Variants in MLN observed in about 807,000 individuals in gnomAD.
The protein encoded by MLN is motilin, also known as promotilin.
A neutral mutation model predicts 13.3 loss-of-function variants in MLN; 14 were observed. That is an observed-to-expected ratio of 1.05 (90% CI 0.69 to 1.64). The LOEUF (loss-of-function observed/expected upper bound fraction) is 1.64, where lower values mean the gene tolerates loss of function less well. Among genes scored for constraint, MLN ranks in the 40% most tolerant of loss-of-function variants. MLN has a pLI of 0.00. For missense variants in MLN, 122 were observed against 142.9 expected, an observed-to-expected ratio of 0.85 and a Z score of 0.75; for synonymous variants, 59 against 54.7, an observed-to-expected ratio of 1.08 and a Z score of -0.34.
In MLN at chr6:33,799,068, T is replaced by C; in HGVS notation, c.234+37A>G. The C allele has an allele frequency of 6.8e-7, 1 of 1,460,472 alleles. No individual in the cohort carries two copies. Among genetic ancestry groups the C allele is most frequent in the Non-Finnish European group, 9.6e-7 (1 of 1,045,034 alleles). 90.5% of individuals were successfully genotyped at this position (1,460,472 alleles called of 1,614,324 possible). On this transcript the variant is annotated intron_variant, in intron 3 of 4. Coordinates refer to ENST00000430124, the MANE Select transcript of MLN (RefSeq NM_002418.3). The surrounding 1 kb of genome is among the most constrained non-coding windows in gnomAD (Gnocchi z 4.6). The stretch of plus-strand genomic sequence containing the variant: ...CCAGGCAGGGGAATGCATGCCCTGC[T>C]CTGAGTTTCTCTCCTTTGTCCCAGT...
chr6:33,795,694 G>A (rs1389057273), intron 3 of MLN, 89 bp from the exon 4 acceptor site: 2 of 1,098,642 alleles, frequency 1.8e-6, no homozygotes, highest in African/African-American at 3.1e-5. Context: ...AGGGACCCTT[G>A]GGAGCCACAC....
chr6:33,795,959 CTTTT>C (rs5875463), intron 3 of MLN, among the ~76,000 whole-genome samples: 3 of 121,774 alleles, frequency 2.5e-5, no homozygotes, highest in Non-Finnish European at 5.1e-5. Flanking sequence ...TTATTCTAAG[CTTTT>C]TTTTTTTTTT....
rs188344611 is a variant in MLN, at chr6:33,799,189, G to A, written c.150C>T (p.Ser50=). The A allele has an allele frequency of 8.7e-6, 14 of 1,612,828 alleles. No homozygotes were observed. The East Asian group carries it at 2.9e-4, about 33-fold the overall frequency. Residue 50 remains serine (S), a synonymous_variant, in exon 3 of 5, where the codon TCC becomes TCT. Transcript: ENST00000430124. This position sits in a 1 kb window ranked among gnomAD's most constrained non-coding sequence, Gnocchi z 4.6. ...EKERNKGQKK[S]LSVWQRSGEE... ...CCCCAGACCTCTGCCATACACTCAG[G>A]GATTTCTTTTGCCCTTTATTCCGTT... is the stretch of plus-strand genomic sequence containing the variant.
At chr6:33,800,911 C>T (rs1043285331) in intron 2 of MLN, 136 bp downstream of exon 2, 19 of 694,718 alleles carry the variant, frequency 2.7e-5, no homozygotes, top group South Asian at 6.7e-5. Context: ...CCAGTGAAGG[C>T]GTGAAGGTGG....
intron 4 of MLN, 112 bp from the exon 5 acceptor site, chr6:33,794,947 G>A: frequency 1.4e-6 from 2 of 1,383,078 alleles, no homozygotes; most frequent in Non-Finnish European, 2.0e-6. Context: ...GGGCAGGCTG[G>A]GCGGGAAGGT....
chr6:33,800,307 G>A (rs1258263768), intron 2 of MLN, among the ~76,000 whole-genome samples: 2 of 152,170 alleles, frequency 1.3e-5, no homozygotes, highest in African/African-American at 2.4e-5. Flanking sequence ...GATACTCAGC[G>A]TCCCCTGAAG....
At chr6:33,795,661 C>G (rs1767898391) in intron 3 of MLN, 56 bp from the exon 4 acceptor site, 12 of 1,447,918 alleles carry the variant, frequency 8.3e-6, no homozygotes, top group Non-Finnish European at 1.1e-5. Context: ...CCCTTAACCC[C>G]TGGGTGCACT....
Position 33,799,154 on chromosome 6 carries a change from G to T in MLN, c.185C>A (p.Pro62His). ...SVWQRSGEEG[P>H]VDPAEPIREE... ...CCTGATGGGCTCCGCAGGGTCTACAGGACCTTCCTCCCCAGACCTCTGCCA... is the reference window on the plus strand; with the variant it reads ...CCTGATGGGCTCCGCAGGGTCTACATGACCTTCCTCCCCAGACCTCTGCCA... The change falls in exon 3 of 5, where the codon CCT (proline) becomes CAT (histidine). Residue 62 changes from proline (P) to histidine (H), a missense_variant. Transcript: ENST00000430124. This position sits in a 1 kb window ranked among gnomAD's most constrained non-coding sequence, Gnocchi z 4.6. 1 of 1,612,666 alleles carries T rather than the reference G, an allele frequency of 6.2e-7. No homozygotes were observed. The highest frequency in any genetic ancestry group is 8.5e-7 in the Non-Finnish European group (1 of 1,179,050).
Position 33,799,372 on chromosome 6 carries a change from A to T in MLN, c.118-151T>A. 1 of 539,168 alleles carries T rather than the reference A, an allele frequency of 1.9e-6. No individual in the cohort carries two copies. The allele number at this position is 539,168 out of a possible 1,614,324, so 33.4% of individuals were successfully genotyped here. On this transcript the variant is annotated intron_variant, in intron 2 of 4. Transcript: ENST00000430124. The surrounding 1 kb of genome is among the most constrained non-coding windows in gnomAD (Gnocchi z 4.6). The stretch of plus-strand genomic sequence containing the variant: ...TCCTCCAGGAGCCTCCTGCACGAGG[A>T]ATCTCAGATACTAACTAGTGGCTCA...
intron 3 of MLN, among the ~76,000 whole-genome samples, chr6:33,798,015 T>A (rs1197527321): frequency 6.6e-6 from 1 of 152,192 alleles, no homozygotes; most frequent in Non-Finnish European, 1.5e-5. Context: ...GGCTGTTGCT[T>A]CCACCTGGAA....
chr6:33,801,021 C>A (rs1768031686), intron 2 of MLN, 26 bp downstream of exon 2: 3 of 1,553,664 alleles, frequency 1.9e-6, no homozygotes, highest in Non-Finnish European at 1.8e-6. Flanking sequence ...GCCTTGCTAG[C>A]AGGGCAGGCA....
At chr6:33,800,932 G>T in intron 2 of MLN, 115 bp downstream of exon 2, 1 of 784,804 alleles carries the variant, frequency 1.3e-6, no homozygotes, top group Non-Finnish European at 2.2e-6. Flanking sequence ...CCAGAGAGGT[G>T]GCTGGAACTG....
chr6:33,797,530 A>C (rs1298653840), intron 3 of MLN, among the ~76,000 whole-genome samples: 1 of 152,210 alleles, frequency 6.6e-6, no homozygotes, highest in Non-Finnish European at 1.5e-5. Flanking sequence ...TGTCTCCATG[A>C]GTGGCAAATC....
At chr6:33,796,706 G>A (rs891495498) in intron 3 of MLN, among the ~76,000 whole-genome samples, 3 of 152,174 alleles carry the variant, frequency 2.0e-5, no homozygotes, top group South Asian at 2.1e-4. Flanking sequence ...TGCCTGTGCC[G>A]TTCCCAGCTG....
chr6:33,796,486 C>CTTGTTG (rs1767927250), intron 3 of MLN, among the ~76,000 whole-genome samples: 1 of 152,238 alleles, frequency 6.6e-6, no homozygotes, highest in African/African-American at 2.4e-5. Flanking sequence ...CCCGTCCCCG[C>CTTGTTG]TCCGCAGAGC....
chr6:33,795,071 A>T (rs1400242408), intron 4 of MLN, among the ~76,000 whole-genome samples: 1 of 152,088 alleles, frequency 6.6e-6, no homozygotes, highest in Non-Finnish European at 1.5e-5. Context: ...CCTCCTGGGG[A>T]CTATGAGAAG....
At position 33,799,014 on chromosome 6, in the gene MLN, C is replaced by T. The variant is rs150616940; in HGVS notation, c.234+91G>A. ...CGATATCCTAGGACACTCTGAGGCT[C>T]ACTGTGGCTTGTGGGCTCTGCCTCC... On this transcript the variant is annotated intron_variant, in intron 3 of 4. Transcript: ENST00000430124. The surrounding 1 kb of genome is among the most constrained non-coding windows in gnomAD (Gnocchi z 4.6). 345 of 844,318 alleles carry T rather than the reference C, an allele frequency of 4.1e-4. 2 individuals carry two copies. In the African/African-American group the frequency reaches 5.0e-3, roughly 12 times the overall value. 52.3% of individuals were successfully genotyped at this position (844,318 alleles called of 1,614,324 possible). A position where few individuals can be genotyped will look rare whatever the true frequency, so the allele number is the denominator to read the frequency against.
rs1582276204 is a variant in MLN at position 33,799,003 on chromosome 6, A to T, written c.234+102T>A. ...CTTGCTCACTGCGATATCCTAGGAC[A>T]CTCTGAGGCTCACTGTGGCTTGTGG... is the stretch of plus-strand genomic sequence containing the variant. On this transcript the variant is annotated intron_variant, in intron 3 of 4. Coordinates refer to ENST00000430124, the MANE Select transcript of MLN (RefSeq NM_002418.3). This position sits in a 1 kb window ranked among gnomAD's most constrained non-coding sequence, Gnocchi z 4.6. The T allele has an allele frequency of 1.3e-6, 1 of 754,470 alleles. No homozygotes were observed. 46.7% of individuals were successfully genotyped at this position (754,470 alleles called of 1,614,324 possible).
At chr6:33,794,869 T>C (rs369000470) in intron 4 of MLN, 34 bp from the exon 5 acceptor site, 97 of 1,612,482 alleles carry the variant, frequency 6.0e-5, no homozygotes, top group Non-Finnish European at 7.6e-5. Flanking sequence ...CTCAGTACCA[T>C]CATCAGGTCT....
Sources: allele counts gnomAD v4.1 joint callset (sites outside exome capture counted in the v4.1 genomes callset), GRCh38; gene constraint gnomAD v4.1.1; non-coding constraint Gnocchi (gnomAD v3.1); transcripts MANE v1.5; gene names NCBI Gene and HGNC (gene_info 2026-07-23, HGNC 2026-07-21).